The following MACROD2 variants were observed in gnomAD, a reference collection of about 807,000 sequenced individuals.
MACROD2 encodes ADP-ribose glycohydrolase MACROD2.
Under a neutral mutation model 70.4 loss-of-function variants are expected in MACROD2, and 36 were observed. The ratio of observed to expected loss-of-function variants is 0.51; its 90% CI spans 0.39 to 0.68. The LOEUF is 0.68. Ranked by LOEUF, MACROD2 falls within the 30% of genes least tolerant of loss-of-function variation. The probability of loss-of-function intolerance (pLI) is 0.00; values close to 1 mark genes in which losing one functional copy is unlikely to be tolerated. For missense variants in MACROD2, 496 were observed against 538.4 expected, an observed-to-expected ratio of 0.92 and a Z score of 0.78; for synonymous variants, 172 against 178.8, an observed-to-expected ratio of 0.96 and a Z score of 0.30.
chr20:15,901,229 C>G (rs2065059115), intron 10 of MACROD2, among the ~76,000 whole-genome samples: 1 of 152,170 alleles, frequency 6.6e-6, no homozygotes, highest in African/African-American at 2.4e-5. Context: ...AAGGGACTTT[C>G]TTCCAGTCTG....
At chr20:14,022,395 T>C (rs1277444561) in intron 2 of MACROD2, among the ~76,000 whole-genome samples, 1 of 152,132 alleles carries the variant, frequency 6.6e-6, no homozygotes, top group Non-Finnish European at 1.5e-5. Flanking sequence ...GTGAAATAAA[T>C]TGATTAAATT....
chr20:14,806,580 A>G (rs900507632), intron 5 of MACROD2, among the ~76,000 whole-genome samples: 5 of 152,092 alleles, frequency 3.3e-5, no homozygotes, highest in African/African-American at 1.2e-4. Context: ...CTGGAATGCC[A>G]GTGAGACTGA....
intron 7 of MACROD2, among the ~76,000 whole-genome samples, chr20:15,433,800 T>C: frequency 6.7e-6 from 1 of 150,110 alleles, no homozygotes; most frequent in East Asian, 1.9e-4. Flanking sequence ...CAAATTATAC[T>C]ACAGGTCTAT....
chr20:15,984,842 G>GGT (rs2066455261), intron 13 of MACROD2, among the ~76,000 whole-genome samples: 1 of 152,090 alleles, frequency 6.6e-6, no homozygotes, highest in Admixed American at 6.6e-5. Flanking sequence ...ACTTAGAATT[G>GGT]GTATAGATGG....
At chr20:15,198,550 G>A (rs142004710) in intron 5 of MACROD2, among the ~76,000 whole-genome samples, 102 of 152,120 alleles carry the variant, frequency 6.7e-4, no homozygotes, top group Non-Finnish European at 1.2e-3. Flanking sequence ...ACAACTGAGC[G>A]TCTTCATGTT....
intron 5 of MACROD2, among the ~76,000 whole-genome samples, chr20:14,960,572 T>C (rs1472477833): frequency 6.6e-6 from 1 of 152,236 alleles, no homozygotes; most frequent in Non-Finnish European, 1.5e-5. Context: ...TACCATATTG[T>C]GTGCCTTTTT....
chr20:15,148,481 G>T (rs1354074822), intron 5 of MACROD2, among the ~76,000 whole-genome samples: 1 of 152,056 alleles, frequency 6.6e-6, no homozygotes, highest in Non-Finnish European at 1.5e-5. Context: ...GCGGTTTGGG[G>T]ATAGCATCAG....
At chr20:15,011,474 G>T (rs77985675) in intron 5 of MACROD2, among the ~76,000 whole-genome samples, 1,593 of 152,224 alleles carry the variant, frequency 0.01, 30 homozygotes, top group African/African-American at 0.036. Context: ...CAGTGTGTAT[G>T]ATATGCTCAT....
At chr20:15,201,746 G>T (rs143245835) in intron 5 of MACROD2, among the ~76,000 whole-genome samples, 1 of 152,170 alleles carries the variant, frequency 6.6e-6, no homozygotes, top group Non-Finnish European at 1.5e-5. Flanking sequence ...CTGAAAGGGT[G>T]TCCATCTCTG....
At chr20:15,720,188 T>C (rs2050768225) in intron 8 of MACROD2, among the ~76,000 whole-genome samples, 1 of 152,188 alleles carries the variant, frequency 6.6e-6, no homozygotes. Flanking sequence ...TTTTCTTTAT[T>C]CATTCATCTG....
At chr20:15,237,433 T>C (rs1408980628) in intron 6 of MACROD2, among the ~76,000 whole-genome samples, 1 of 152,222 alleles carries the variant, frequency 6.6e-6, no homozygotes, top group East Asian at 1.9e-4. Flanking sequence ...TGCCCTTGTC[T>C]TTACATGTTG....
At chr20:15,783,653 T>C (rs550519620) in intron 8 of MACROD2, among the ~76,000 whole-genome samples, 11 of 152,290 alleles carry the variant, frequency 7.2e-5, no homozygotes, top group African/African-American at 2.6e-4. Context: ...TTGTTAATAA[T>C]GTATAATAAT....
At chr20:14,622,836 T>C (rs1983905645) in intron 4 of MACROD2, 1 of 152,178 alleles carries the variant, frequency 6.6e-6, no homozygotes, top group Non-Finnish European at 1.5e-5. Context: ...AAGGTTTGCT[T>C]TCTAATTTTT....
chr20:15,498,847 A>T (rs1240821312), intron 7 of MACROD2, among the ~76,000 whole-genome samples: 1 of 152,362 alleles, frequency 6.6e-6, no homozygotes, highest in African/African-American at 2.4e-5. Flanking sequence ...AGAATAAAAC[A>T]TAAAAAAACT....
chr20:15,157,304 T>C (rs976645482), intron 5 of MACROD2, among the ~76,000 whole-genome samples: 2 of 150,274 alleles, frequency 1.3e-5, no homozygotes, highest in East Asian at 2.0e-4. Flanking sequence ...ACTAATCCTA[T>C]CATGAGGGTC....
chr20:15,581,901 C>T (rs771734965), intron 8 of MACROD2, among the ~76,000 whole-genome samples: 6 of 152,180 alleles, frequency 3.9e-5, no homozygotes, highest in African/African-American at 1.2e-4. Flanking sequence ...GCAGGTGGAT[C>T]GCTTGAGCGT....
At chr20:14,323,733 C>G (rs919466467) in intron 3 of MACROD2, 1 of 152,008 alleles carries the variant, frequency 6.6e-6, no homozygotes, top group Admixed American at 6.6e-5. Context: ...AGTTGTATGC[C>G]AGAAACAGGG....
chr20:15,860,562 A>G (rs1301244314), intron 8 of MACROD2, among the ~76,000 whole-genome samples: 2 of 151,598 alleles, frequency 1.3e-5, no homozygotes, highest in Non-Finnish European at 2.9e-5. Context: ...TCTTATTTTT[A>G]ATTTTAGGAT....
intron 3 of MACROD2, among the ~76,000 whole-genome samples, chr20:14,206,516 T>G (rs1039225808): frequency 2.0e-5 from 3 of 152,238 alleles, no homozygotes; most frequent in African/African-American, 7.2e-5. Flanking sequence ...CATAGTTTGC[T>G]TTTGCCATCT....
Sources: allele counts gnomAD v4.1 joint callset (sites outside exome capture counted in the v4.1 genomes callset), GRCh38; gene constraint gnomAD v4.1.1; transcripts MANE v1.5; gene names NCBI Gene and HGNC (gene_info 2026-07-23, HGNC 2026-07-21).